Variants in ASB14 observed in about 807,000 individuals in gnomAD.
ASB14 encodes ankyrin repeat and SOCS box containing 14.
Under a neutral mutation model 55.6 loss-of-function variants are expected in ASB14, and 63 were observed. The observed-to-expected ratio is 1.13, with a 90% CI of 0.92 to 1.40. ASB14 has a LOEUF of 1.40. ASB14 is among the 40% of genes most tolerant of loss of function. The probability of loss-of-function intolerance (pLI) is 0.00; values close to 1 mark genes in which losing one functional copy is unlikely to be tolerated. For missense variants in ASB14, 724 were observed against 710.4 expected, an observed-to-expected ratio of 1.02 and a Z score of -0.22; for synonymous variants, 256 against 259.9, an observed-to-expected ratio of 0.98 and a Z score of 0.15.
chr3:57,273,138 T>G (rs936903626), intron 10 of ASB14: 24 of 152,654 alleles, frequency 1.6e-4, no homozygotes, highest in African/African-American at 4.8e-4. Context: ...TTTACTTCAG[T>G]TAATATGAGA....
Position 57,289,128 on chromosome 3 carries a change from A to G in ASB14, c.123-5T>C. On this transcript the variant is annotated splice_polypyrimidine_tract_variant and splice_region_variant and intron_variant, in intron 2 of 10. Transcript: ENST00000487349. ...GCGCTCAAAAAGGAATGCAAACTGCAAAGAAAAAAATACATATGTAATTCC... is the reference window on the plus strand; with the variant it reads ...GCGCTCAAAAAGGAATGCAAACTGCGAAGAAAAAAATACATATGTAATTCC... The G allele has an allele frequency of 6.6e-7, 1 of 1,521,230 alleles. No individual in the cohort carries two copies. Among genetic ancestry groups the G allele is most frequent in the East Asian group, 2.5e-5 (1 of 40,804 alleles). 94.2% of individuals were successfully genotyped at this position (1,521,230 alleles called of 1,614,324 possible). A position where few individuals can be genotyped will look rare whatever the true frequency, so the allele number is the denominator to read the frequency against.
chr3:57,284,615 G>A (rs116248274), intron 5 of ASB14, among the ~76,000 whole-genome samples: 213 of 152,346 alleles, frequency 1.4e-3, no homozygotes, highest in African/African-American at 4.9e-3. Context: ...AGGCTGAAGT[G>A]AAGAGAGGAA....
intron 1 of ASB14, 78 bp from the exon 2 acceptor site, chr3:57,292,182 A>C: frequency 2.0e-6 from 2 of 989,858 alleles, no homozygotes; most frequent in East Asian, 3.2e-5. Flanking sequence ...AAAATTTAGG[A>C]AACAAAATAT....
Position 57,288,214 on chromosome 3 carries a change from A to G in ASB14, c.251T>C (p.Ile84Thr). ...TTGCACTGCAGCCTTATGCAGAGGA[A>G]TCCAGCCTATCTCATCTGCTTCACC... ...AFGEADEIGW[I>T]PLHKAAVQLN... Residue 84 changes from isoleucine to threonine, a missense_variant, in exon 4 of 11, where the codon ATT becomes ACT. Physicochemically the swap from Ile to Thr is moderately conservative, Grantham distance 89. Transcript: ENST00000487349. 4 of 1,536,724 alleles carry G rather than the reference A, an allele frequency of 2.6e-6. No individual in the cohort carries two copies. The highest frequency in any genetic ancestry group is 1.2e-5 in the South Asian group (1 of 84,050).
intron 4 of ASB14, 42 bp from the exon 5 acceptor site, chr3:57,288,101 A>G (rs957128240): frequency 6.5e-7 from 1 of 1,535,314 alleles, no homozygotes; most frequent in East Asian, 2.4e-5. Context: ...AGATATAGAA[A>G]TGAATGTTAA....
chr3:57,270,476 T>G (rs1188336140), intron 10 of ASB14: 1 of 152,620 alleles, frequency 6.6e-6, no homozygotes, highest in Non-Finnish European at 1.5e-5. Flanking sequence ...GTTCAATACA[T>G]TTTAGATTAG....
chr3:57,291,880 TAATAC>T, intron 2 of ASB14, 27 bp downstream of exon 2: 1 of 1,503,620 alleles, frequency 6.7e-7, no homozygotes, highest in Non-Finnish European at 8.9e-7. Context: ...ATACAACACT[TAATAC>T]TATATTGCCG....
intron 10 of ASB14, chr3:57,270,596 TTA>T (rs1219701650): frequency 3.9e-5 from 6 of 152,678 alleles, no homozygotes; most frequent in Admixed American, 2.6e-4. Context: ...TCTATAACAA[TTA>T]TGTTTCATGC....
chr3:57,289,068 C>T lies in ASB14; in HGVS notation c.178G>A (p.Gly60Ser). 2 of 1,522,276 alleles carry T rather than the reference C, an allele frequency of 1.3e-6. No homozygotes were observed. The highest frequency in any genetic ancestry group is 1.8e-6 in the Non-Finnish European group (2 of 1,133,508). 94.3% of individuals were successfully genotyped at this position (1,522,276 alleles called of 1,614,324 possible). ...YKKIVETIEKGKEDALSHLTK... is the reference protein window; with the variant it reads ...YKKIVETIEKSKEDALSHLTK... Reference sequence around the variant, plus strand: ...AGTTAAAGGGGATAGGAGTACTTAACTTTCTCTATTGTTTCAACTATCTTC... The same window carrying T: ...AGTTAAAGGGGATAGGAGTACTTAATTTTCTCTATTGTTTCAACTATCTTC... Residue 60 changes from glycine to serine, a missense_variant and splice_region_variant, in exon 3 of 11, where the codon GGT becomes AGT. Physicochemically the swap from Gly to Ser is moderately conservative, Grantham distance 56 (BLOSUM62 0). Transcript: ENST00000487349.
intron 10 of ASB14, chr3:57,271,615 A>G (rs1483337609): frequency 6.6e-6 from 1 of 152,186 alleles, no homozygotes; most frequent in East Asian, 1.9e-4. Flanking sequence ...TCTACAAGGA[A>G]GGTGTTCATC....
intron 10 of ASB14, chr3:57,270,930 A>G (rs947719457): frequency 1.3e-5 from 2 of 152,160 alleles, no homozygotes; most frequent in African/African-American, 2.4e-5. Context: ...TCTACTGCCT[A>G]TTGTTTATGT....
rs2107625670 is a variant in ASB14 at position 57,283,523 on chromosome 3, T to C, written c.470-84A>G. The C allele has an allele frequency of 2.9e-6, 4 of 1,397,978 alleles. No homozygotes were observed. The East Asian group carries it at 1.0e-4, about 35-fold the overall frequency. The allele number at this position is 1,397,978 out of a possible 1,614,324, so 86.6% of individuals were successfully genotyped here. ...ATCTGCAAGTATCCCTCAGGCTTTC[T>C]TAAGGAGTTCTTCCCACCCACTCCC... On this transcript the variant is annotated intron_variant, in intron 5 of 10. Transcript: ENST00000487349.
At position 57,287,887 on chromosome 3, in the gene ASB14, A is replaced by G. The variant is rs1210768406; in HGVS notation, c.469+14T>C. The G allele has an allele frequency of 1.3e-6, 2 of 1,536,264 alleles. No homozygotes were observed. Among genetic ancestry groups the G allele is most frequent in the Non-Finnish European group, 1.7e-6 (2 of 1,146,396 alleles). On this transcript the variant is annotated intron_variant, in intron 5 of 10. Coordinates refer to ENST00000487349, the MANE Select transcript of ASB14 (RefSeq NM_001142733.3). The stretch of plus-strand genomic sequence containing the variant: ...AGTGCCACAGACTCTTTCAGAAACA[A>G]TGTATTCATTTACCTGCAAGAAGAG...
Position 57,280,352 on chromosome 3 carries a change from C to T in ASB14, c.837G>A (p.Lys279=). ...LEYGADANIP[K]NSGHLPIHVA... ...CATGGATGGGCAGGTGGCCTGAATT[C>T]TTAGGGATGTTGGCATCAGCTCCAT... is the stretch of plus-strand genomic sequence containing the variant. Residue 279 remains lysine (K), a synonymous_variant, in exon 7 of 11, where the codon AAG becomes AAA. Transcript: ENST00000487349. The T allele has an allele frequency of 6.4e-7, 1 of 1,551,060 alleles. No homozygotes were observed. The highest frequency in any genetic ancestry group is 1.2e-5 in the South Asian group (1 of 84,018).
intron 5 of ASB14, among the ~76,000 whole-genome samples, chr3:57,285,848 C>T (rs1056113489): frequency 4.6e-5 from 7 of 152,076 alleles, no homozygotes; most frequent in Non-Finnish European, 2.9e-5. Context: ...GATCGTTATT[C>T]CCCTCATCTT....
At chr3:57,284,444 A>G (rs2061064824) in intron 5 of ASB14, among the ~76,000 whole-genome samples, 1 of 152,140 alleles carries the variant, frequency 6.6e-6, no homozygotes, top group Non-Finnish European at 1.5e-5. Flanking sequence ...TATATATTCT[A>G]TCACCCTCTT....
Position 57,284,094 on chromosome 3 carries a change from A to ATGTATGTGTGTGTGTGTGTGTGTGTGTG in ASB14, c.470-656_470-655insCACACACACACACACACACACACATACA, listed in dbSNP as rs1553640084. Among the ~76,000 whole-genome samples the ATGTATGTGTGTGTGTGTGTGTGTGTGTG allele has an allele frequency of 1.5e-4, 21 of 136,544 alleles. 1 individual carries two copies. In the South Asian group the frequency reaches 3.1e-3, roughly 20 times the overall value. The allele number at this position is 136,544 out of a possible 152,430, so 89.6% of individuals were successfully genotyped here. ...AATAAAAGGCTTGGGAACACTGTGT[A>ATGTATGTGTGTGTGTGTGTGTGTGTGTG]TGTGTGTGTGTGTGTGTGTGTGTGT... is the stretch of plus-strand genomic sequence containing the variant. On this transcript the variant is annotated intron_variant, in intron 5 of 10. Coordinates refer to ENST00000487349, the MANE Select transcript of ASB14 (RefSeq NM_001142733.3).
intron 9 of ASB14, among the ~76,000 whole-genome samples, chr3:57,277,511 C>T (rs938701834): frequency 2.0e-5 from 3 of 151,924 alleles, no homozygotes; most frequent in Admixed American, 1.3e-4. Flanking sequence ...GTGTTGTTTC[C>T]ATGATTTAGG....
intron 5 of ASB14, among the ~76,000 whole-genome samples, chr3:57,287,153 T>TA (rs2061086970): frequency 6.6e-6 from 1 of 152,238 alleles, no homozygotes; most frequent in Non-Finnish European, 1.5e-5. Context: ...CAGATAGCCT[T>TA]TGGCTATTTG....
Sources: gnomAD v4.1 joint callset for allele counts (sites outside exome capture counted in the v4.1 genomes callset) on GRCh38, gnomAD v4.1.1 for gene constraint, MANE v1.5 for transcripts, NCBI Gene and HGNC (gene_info 2026-07-23, HGNC 2026-07-21) for gene names.